CEP95: variants seen among roughly 807,000 people sequenced by gnomAD.
CEP95 encodes centrosomal protein 95.
In CEP95, 98 loss-of-function variants were observed where a neutral mutation model predicts 111.2. That is an observed-to-expected ratio of 0.88 (90% confidence interval 0.75 to 1.04). CEP95 has a LOEUF of 1.04. CEP95 is among the 50% of genes least tolerant of loss of function. The pLI, the probability that CEP95 is intolerant of heterozygous loss-of-function variation, is 0.00. For missense variants in CEP95, 1,027 were observed against 977.2 expected (o/e 1.05, Z -0.68); for synonymous variants, 323 against 327.1 (o/e 0.99, Z 0.14).
At chr17:64,507,333 C>T in intron 1 of CEP95, 1 of 1,433,120 alleles carries the variant, frequency 7.0e-7, no homozygotes, top group Non-Finnish European at 9.2e-7. Context: ...GAGAGAGAGG[C>T]ACTGGGGCGA....
At chr17:64,507,870 T>G (rs1555673508) in intron 1 of CEP95, 2 of 985,322 alleles carry the variant, frequency 2.0e-6, no homozygotes, top group Middle Eastern at 5.2e-4. Flanking sequence ...GAACAAGTAT[T>G]TTAAGCTAAG....
At chr17:64,507,729 G>A in intron 1 of CEP95, 1 of 985,938 alleles carries the variant, frequency 1.0e-6, no homozygotes, top group Non-Finnish European at 1.2e-6. Context: ...TGGGCGTGGG[G>A]AGGGGGATTA....
Position 64,537,183 on chromosome 17 carries a change from T to C in CEP95, c.2289+71T>C, listed in dbSNP as rs1437241282. 45 of 1,568,354 alleles carry C rather than the reference T, an allele frequency of 2.9e-5. 1 individual carries two copies. In the South Asian group the frequency reaches 4.7e-4, roughly 16 times the overall value. Reference sequence around the variant, plus strand: ...TTCTTTCAGCAAGGGACCTCGTACATTGGTGGTTGGAGCAATAGGCTGTAT... The same window carrying C: ...TTCTTTCAGCAAGGGACCTCGTACACTGGTGGTTGGAGCAATAGGCTGTAT... On this transcript the variant is annotated intron_variant, in intron 19 of 19. Coordinates refer to ENST00000556440, the MANE Select transcript of CEP95 (RefSeq NM_138363.3).
rs868937762 is a variant in CEP95 at position 64,516,964 on chromosome 17, C to T, written c.473+136C>T. ...TTCTACTAACTTCTCATATTTTAAA[C>T]TTTCCTGAGGGAGTTTTAAGAACCT... On this transcript the variant is annotated intron_variant, in intron 5 of 19. Transcript: ENST00000556440. 3.3e-4 allele frequency: 185 copies of T among 561,098 alleles called. No individual in the cohort carries two copies. In the Middle Eastern group the frequency reaches 6.0e-3, roughly 18 times the overall value. 34.8% of individuals were successfully genotyped at this position (561,098 alleles called of 1,614,324 possible).
chr17:64,507,035 C>G lies in CEP95; in HGVS notation c.-63C>G. Reference sequence around the variant, plus strand: ...CAGTGTCGGGTCTGCGTGGATCGGTCCTTCCAGGACACCGTCGCCTTCCCG... The same window carrying G: ...CAGTGTCGGGTCTGCGTGGATCGGTGCTTCCAGGACACCGTCGCCTTCCCG... On this transcript the variant is annotated 5_prime_UTR_variant, in exon 1 of 20. Transcript: ENST00000556440. 3 of 1,546,610 alleles carry G rather than the reference C, an allele frequency of 1.9e-6. No individual in the cohort carries two copies. Among genetic ancestry groups the G allele is most frequent in the Non-Finnish European group, 2.6e-6 (3 of 1,143,468 alleles).
chr17:64,534,628 C>G lies in CEP95; in HGVS notation c.1961C>G (p.Ser654Ter), dbSNP rs1304063205. ...DCIRRQRLTQSKIKENRQQIV... is the reference protein window; with the variant it reads ...DCIRRQRLTQ The stretch of plus-strand genomic sequence containing the variant: ...ATTCGTAGGCAAAGGTTGACCCAAT[C>G]AAAGATAAAAGAAAATCGACAGCAA... The change falls in exon 17 of 20, where the codon TCA (serine) becomes TGA (stop). Residue 654 changes from serine (S) to a stop codon, truncating the protein, a stop_gained. Coordinates refer to ENST00000556440, the MANE Select transcript of CEP95 (RefSeq NM_138363.3). LOFTEE classifies it high-confidence loss of function. 2 of 1,600,438 alleles carry G rather than the reference C, an allele frequency of 1.2e-6. No homozygotes were observed. Among genetic ancestry groups the G allele is most frequent in the Non-Finnish European group, 1.7e-6 (2 of 1,171,780 alleles).
intron 14 of CEP95, chr17:64,532,277 C>T: frequency 8.3e-7 from 1 of 1,204,066 alleles, no homozygotes. Context: ...GCGTTAGCCT[C>T]ACTCGTGTGC....
intron 11 of CEP95, among the ~76,000 whole-genome samples, 184 bp downstream of exon 11, chr17:64,527,448 C>T (rs1967904712): frequency 6.6e-6 from 1 of 152,128 alleles, no homozygotes; most frequent in Non-Finnish European, 1.5e-5. Flanking sequence ...ATTATATTTG[C>T]TTTAGCCCCT....
intron 2 of CEP95, among the ~76,000 whole-genome samples, chr17:64,509,799 G>A (rs759751511): frequency 1.3e-5 from 2 of 151,898 alleles, no homozygotes; most frequent in Non-Finnish European, 2.9e-5. Context: ...AAAGTATCAT[G>A]TCTTGGCTCC....
chr17:64,507,645 G>C, intron 1 of CEP95: 1 of 988,278 alleles, frequency 1.0e-6, no homozygotes. Flanking sequence ...TAATTTGGTT[G>C]TCTAGGACGC....
chr17:64,510,967 TG>T (rs1269606251), intron 3 of CEP95, among the ~76,000 whole-genome samples: 6 of 152,168 alleles, frequency 3.9e-5, no homozygotes, highest in African/African-American at 1.4e-4. Flanking sequence ...GCTGGGCGTC[TG>T]GGGGAGACAT....
chr17:64,507,072 G>GTCCGGCGGCGACCTGCC lies in CEP95; in HGVS notation c.-23_-7dup. On this transcript the variant is annotated 5_prime_UTR_variant, in exon 1 of 20. Transcript: ENST00000556440. ...CCGTCGCCTTCCCGGCCGCGTCGGA[G>GTCCGGCGGCGACCTGCC]TCCGGCGGCGACCTGCCTCTGAAAC... 6.4e-7 allele frequency: 1 copy of GTCCGGCGGCGACCTGCC among 1,550,750 alleles called. No individual in the cohort carries two copies. The highest frequency in any genetic ancestry group is 8.7e-7 in the Non-Finnish European group (1 of 1,146,942).
chr17:64,535,942 G>C (rs1341723512), intron 17 of CEP95: 1 of 152,150 alleles, frequency 6.6e-6, no homozygotes, highest in Non-Finnish European at 1.5e-5. Context: ...CATGCGGAGT[G>C]AAAGAAACCA....
intron 4 of CEP95, chr17:64,515,999 G>A (rs2039119857): frequency 6.6e-6 from 1 of 152,148 alleles, no homozygotes; most frequent in Non-Finnish European, 1.5e-5. Flanking sequence ...TGGTTGTTGT[G>A]AAAGTTAAGT....
Position 64,532,185 on chromosome 17 carries a change from A to G in CEP95, c.1672+163A>G, listed in dbSNP as rs1288397642. 21 of 1,314,306 alleles carry G rather than the reference A, an allele frequency of 1.6e-5. No homozygotes were observed. In the Admixed American group the frequency reaches 6.3e-4, roughly 39 times the overall value. The allele number at this position is 1,314,306 out of a possible 1,614,324, so 81.4% of individuals were successfully genotyped here. On this transcript the variant is annotated intron_variant, in intron 14 of 19. Transcript: ENST00000556440. ...TGTGGCTGGTTTTCCGTAGAGGGCT[A>G]AAACTCTTCAATAAGGAAGTACTTC...
chr17:64,518,798 A>G (rs1233914753), intron 5 of CEP95, among the ~76,000 whole-genome samples: 1 of 151,922 alleles, frequency 6.6e-6, no homozygotes, highest in Non-Finnish European at 1.5e-5. Flanking sequence ...CTCCCGCCTC[A>G]GCCTCCAAAG....
chr17:64,509,222 T>C lies in CEP95; in HGVS notation c.148+502T>C, dbSNP rs139297996. On this transcript the variant is annotated intron_variant, in intron 2 of 19. Transcript: ENST00000556440. Reference sequence around the variant, plus strand: ...AAGCGCATATGTCCTTTCATCTTGCTCACCATCTCACTATGTTCAAGACCA... The same window carrying C: ...AAGCGCATATGTCCTTTCATCTTGCCCACCATCTCACTATGTTCAAGACCA... Among the ~76,000 whole-genome samples the C allele has an allele frequency of 8.2e-3, 1,250 of 152,306 alleles. 10 individuals are homozygous for C. Among genetic ancestry groups the C allele is most frequent in the Middle Eastern group, 0.014 (4 of 294 alleles).
In CEP95 at chr17:64,507,093, G is replaced by C; in HGVS notation, c.-5G>C. 1 of 1,551,442 alleles carries C rather than the reference G, an allele frequency of 6.4e-7. No individual in the cohort carries two copies. The highest frequency in any genetic ancestry group is 1.2e-5 in the South Asian group (1 of 84,072). Reference sequence around the variant, plus strand: ...CGGAGTCCGGCGGCGACCTGCCTCTGAAACATGGCAGGCTCGGATGCTGGT... The same window carrying C: ...CGGAGTCCGGCGGCGACCTGCCTCTCAAACATGGCAGGCTCGGATGCTGGT... On this transcript the variant is annotated 5_prime_UTR_variant, in exon 1 of 20. Coordinates refer to ENST00000556440, the MANE Select transcript of CEP95 (RefSeq NM_138363.3).
chr17:64,507,376 AAG>A (rs1382356466), intron 1 of CEP95: 4 of 1,400,592 alleles, frequency 2.9e-6, no homozygotes, highest in Non-Finnish European at 3.7e-6. Context: ...TGGCTGTAAA[AAG>A]AGCGGTCAGA....
Sources: gnomAD v4.1 joint callset for allele counts (sites outside exome capture counted in the v4.1 genomes callset) on GRCh38, gnomAD v4.1.1 for gene constraint, MANE v1.5 for transcripts, NCBI Gene and HGNC (gene_info 2026-07-23, HGNC 2026-07-21) for gene names.